ZNF516: variants seen among roughly 807,000 people sequenced by gnomAD.
The protein encoded by ZNF516 is zinc finger protein 516.
A neutral mutation model predicts 79.7 loss-of-function variants in ZNF516; 19 were observed. That is an observed-to-expected ratio of 0.24 (90% CI 0.17 to 0.35). The LOEUF (loss-of-function observed/expected upper bound fraction) is 0.35. ZNF516 is among the 10% of genes least tolerant of loss of function. The pLI is 1.00. For missense variants in ZNF516, 1,678 were observed against 1,679.5 expected (o/e 1.00, Z 0.02); for synonymous variants, 877 against 739.5 (o/e 1.19, Z -3.02).
At chr18:76,466,442 G>A (rs1913474282) in intron 1 of ZNF516, among the ~76,000 whole-genome samples, 1 of 152,216 alleles carries the variant, frequency 6.6e-6, no homozygotes, top group Non-Finnish European at 1.5e-5. Context: ...CTGGCACGGA[G>A]GCCGACGCTC....
intron 3 of ZNF516, among the ~76,000 whole-genome samples, chr18:76,415,224 A>AAAAAG (rs1226381655): frequency 6.6e-6 from 1 of 152,176 alleles, no homozygotes; most frequent in Admixed American, 6.5e-5. Flanking sequence ...GAAAAGAGGA[A>AAAAAG]AAAAGAAAAG....
intron 1 of ZNF516, among the ~76,000 whole-genome samples, chr18:76,469,229 A>C (rs771610680): frequency 1.3e-5 from 2 of 152,232 alleles, no homozygotes; most frequent in Non-Finnish European, 2.9e-5. Flanking sequence ...TCAACTGTGC[A>C]GTGTGGTGAA....
In ZNF516 at chr18:76,379,226, G is replaced by C. The variant is rs761125116; in HGVS notation, c.2888C>G (p.Ala963Gly). 6.2e-7 allele frequency: 1 copy of C among 1,612,810 alleles called. No homozygotes were observed. Among genetic ancestry groups the C allele is most frequent in the Non-Finnish European group, 8.5e-7 (1 of 1,179,746 alleles). The stretch of plus-strand genomic sequence containing the variant: ...CGGGGCACTGTGCTTATTTGTGGGG[G>C]CAAAGCCAGCCCCCGCTGGGGGGAC... ...FGVPPAGAGF[A>G]PTNKHSAPDS... is the part of the protein sequence containing the mutation. The change falls in exon 4 of 7, where the codon GCC (alanine) becomes GGC (glycine). Residue 963 changes from alanine (A) to glycine (G), a missense_variant. Physicochemically the swap from Ala to Gly is moderately conservative, Grantham distance 60. Coordinates refer to ENST00000443185, the MANE Select transcript of ZNF516 (RefSeq NM_014643.4).
chr18:76,391,361 AC>A (rs1360368489), intron 3 of ZNF516, among the ~76,000 whole-genome samples: 1 of 151,726 alleles, frequency 6.6e-6, no homozygotes, highest in Non-Finnish European at 1.5e-5. Flanking sequence ...CCCAATCCTA[AC>A]CCCCTCAACC....
chr18:76,395,691 C>A (rs562439554), intron 3 of ZNF516, among the ~76,000 whole-genome samples: 1 of 151,766 alleles, frequency 6.6e-6, no homozygotes, highest in African/African-American at 2.4e-5. Flanking sequence ...GGCTGGAGGC[C>A]ACGCATTCTA....
chr18:76,463,704 G>A (rs1220536649), intron 1 of ZNF516, among the ~76,000 whole-genome samples: 2 of 152,198 alleles, frequency 1.3e-5, no homozygotes, highest in African/African-American at 2.4e-5. Context: ...ACGCAGACGT[G>A]CCCACTGAAA....
chr18:76,478,036 C>T (rs1374947936), intron 1 of ZNF516, among the ~76,000 whole-genome samples: 2 of 151,658 alleles, frequency 1.3e-5, no homozygotes, highest in Admixed American at 6.6e-5. Context: ...ATCTTTCCCA[C>T]GAATGGATCT....
intron 1 of ZNF516, among the ~76,000 whole-genome samples, chr18:76,479,465 T>C (rs1044005157): frequency 2.0e-5 from 3 of 152,200 alleles, no homozygotes; most frequent in Admixed American, 6.5e-5. Context: ...AGCTCCCCAT[T>C]GTCCAAAGGT....
chr18:76,390,145 A>C (rs951934738), intron 3 of ZNF516, among the ~76,000 whole-genome samples: 1 of 152,214 alleles, frequency 6.6e-6, no homozygotes, highest in Non-Finnish European at 1.5e-5. Context: ...ATCTATGGTC[A>C]CGACCCGGAC....
intron 1 of ZNF516, among the ~76,000 whole-genome samples, chr18:76,472,203 C>A (rs1329488988): frequency 2.6e-5 from 4 of 152,236 alleles, no homozygotes; most frequent in African/African-American, 9.6e-5. Context: ...GGACCCTCCA[C>A]AACATCTCTT....
intron 6 of ZNF516, among the ~76,000 whole-genome samples, chr18:76,369,491 T>G (rs2074668135): frequency 6.6e-6 from 1 of 152,194 alleles, no homozygotes; most frequent in Non-Finnish European, 1.5e-5. Flanking sequence ...GCTCAATCAC[T>G]AATTAGCAGT....
intron 3 of ZNF516, among the ~76,000 whole-genome samples, chr18:76,394,951 TTGAC>T (rs1165035294): frequency 6.6e-6 from 1 of 152,112 alleles, no homozygotes; most frequent in Non-Finnish European, 1.5e-5. Flanking sequence ...TGAACCACGG[TTGAC>T]TGGAAGAACC....
chr18:76,398,902 A>T (rs927645607), intron 3 of ZNF516, among the ~76,000 whole-genome samples: 1 of 152,158 alleles, frequency 6.6e-6, no homozygotes, highest in Non-Finnish European at 1.5e-5. Context: ...AAGAAACTGT[A>T]ATGAGTCTTT....
intron 1 of ZNF516, among the ~76,000 whole-genome samples, chr18:76,472,528 A>C (rs570795483): frequency 1.8e-4 from 27 of 152,378 alleles, no homozygotes; most frequent in Non-Finnish European, 3.4e-4. Context: ...ACGTGCGCTC[A>C]CACGCATGAA....
chr18:76,402,763 G>C (rs576350325), intron 3 of ZNF516, among the ~76,000 whole-genome samples: 1 of 152,250 alleles, frequency 6.6e-6, no homozygotes, highest in Non-Finnish European at 1.5e-5. Flanking sequence ...GAGCTCCATC[G>C]GGCCGCTGCG....
At chr18:76,408,937 G>GC (rs1266123787) in intron 3 of ZNF516, among the ~76,000 whole-genome samples, 1 of 152,100 alleles carries the variant, frequency 6.6e-6, no homozygotes, top group Non-Finnish European at 1.5e-5. Context: ...CTGAGGTTCC[G>GC]CCCCCACTCA....
At position 76,357,924 on chromosome 18, in the gene ZNF516, G is replaced by GA. The variant is rs1330912488; in HGVS notation, c.*4573dup. The stretch of plus-strand genomic sequence containing the variant: ...AGTGGGGAAATAACATGTGTGCTGT[G>GA]AAAGAAAATGAGAAAAACACAGCGT... On this transcript the variant is annotated 3_prime_UTR_variant, in exon 7 of 7. Coordinates refer to ENST00000443185, the MANE Select transcript of ZNF516 (RefSeq NM_014643.4). Among the ~76,000 whole-genome samples, 5 of 151,590 alleles carry GA rather than the reference G, an allele frequency of 3.3e-5. No individual in the cohort carries two copies. Among genetic ancestry groups the GA allele is most frequent in the Admixed American group, 1.3e-4 (2 of 15,218 alleles).
At chr18:76,439,388 T>C (rs1286133955) in intron 3 of ZNF516, among the ~76,000 whole-genome samples, 1 of 152,248 alleles carries the variant, frequency 6.6e-6, no homozygotes, top group African/African-American at 2.4e-5. Flanking sequence ...GAGCCATAAA[T>C]TTCTGTCCTC....
At chr18:76,487,674 A>G (rs1313659923) in intron 1 of ZNF516, among the ~76,000 whole-genome samples, 1 of 152,174 alleles carries the variant, frequency 6.6e-6, no homozygotes, top group African/African-American at 2.4e-5. Context: ...CGATTCTGAT[A>G]GTTCTCATCC....
Sources: gnomAD v4.1 joint callset for allele counts (sites outside exome capture counted in the v4.1 genomes callset) on GRCh38, gnomAD v4.1.1 for gene constraint, MANE v1.5 for transcripts, NCBI Gene and HGNC (gene_info 2026-07-23, HGNC 2026-07-21) for gene names.